ZZEF1: variants seen among roughly 807,000 people sequenced by gnomAD.
The protein encoded by ZZEF1 is zinc finger ZZ-type and EF-hand domain-containing protein 1.
In ZZEF1, 157 loss-of-function variants were observed where a neutral mutation model predicts 342.8. The observed-to-expected ratio is 0.46, with a 90% CI of 0.40 to 0.52. The LOEUF (loss-of-function observed/expected upper bound fraction) is 0.52, where lower values mean the gene tolerates loss of function less well. Ranked by LOEUF, ZZEF1 falls within the 20% of genes least tolerant of loss-of-function variation. The probability of loss-of-function intolerance (pLI) is 0.00; values close to 1 mark genes in which losing one functional copy is unlikely to be tolerated. For missense variants in ZZEF1, 3,480 were observed against 3,725.6 expected, an observed-to-expected ratio of 0.93 and a Z score of 1.72; for synonymous variants, 1,505 against 1,429.1, an observed-to-expected ratio of 1.05 and a Z score of -1.20.
intron 38 of ZZEF1, among the ~76,000 whole-genome samples, chr17:4,043,094 T>G (rs1392063576): frequency 6.6e-6 from 1 of 152,230 alleles, no homozygotes; most frequent in Non-Finnish European, 1.5e-5. Flanking sequence ...CCCAGAGCTC[T>G]CTTACCCCCG....
intron 26 of ZZEF1, 26 bp from the exon 27 acceptor site, chr17:4,067,268 T>C: frequency 6.3e-7 from 1 of 1,593,964 alleles, no homozygotes; most frequent in South Asian, 1.1e-5. Flanking sequence ...GAGATGGAGA[T>C]TACATTCAGG....
chr17:4,075,468 T>G (rs1403465032), intron 21 of ZZEF1, 39 bp from the exon 22 acceptor site: 2 of 1,603,846 alleles, frequency 1.2e-6, no homozygotes, highest in African/African-American at 2.7e-5. Context: ...AAAGGTTCTA[T>G]CACTAGACAC....
At position 4,088,978 on chromosome 17, in the gene ZZEF1, G is replaced by T. The variant is rs939990221; in HGVS notation, c.2026-85C>A. ...GAGGGAAAAAGGCCTTTCCGGGAAG[G>T]TCTTCCTATGATTTTCGTAATTTAT... On this transcript the variant is annotated intron_variant, in intron 12 of 54. Transcript: ENST00000381638. 8.5e-6 allele frequency: 11 copies of T among 1,301,304 alleles called. No homozygotes were observed. The Admixed American group carries it at 2.2e-4, about 26-fold the overall frequency. The allele number at this position is 1,301,304 out of a possible 1,614,324, so 80.6% of individuals were successfully genotyped here.
chr17:4,110,922 A>G lies in ZZEF1; in HGVS notation c.1067-1059T>C, dbSNP rs565495017. 6.6e-5 allele frequency among the ~76,000 whole-genome samples: 10 copies of G among 152,290 alleles called. No homozygotes were observed. The South Asian group carries it at 2.1e-3, about 32-fold the overall frequency. On this transcript the variant is annotated intron_variant, in intron 5 of 54. Transcript: ENST00000381638. ...GAGACGGAGTTTCACCATGTTGGCC[A>G]GGCTGGTCTAGAACTCCTGACCTCA...
chr17:4,061,576 A>T (rs183660351), intron 30 of ZZEF1, among the ~76,000 whole-genome samples: 1 of 152,328 alleles, frequency 6.6e-6, no homozygotes, highest in East Asian at 1.9e-4. Flanking sequence ...TCTTTACAAA[A>T]AAGATTTCCA....
At chr17:4,027,614 TAA>T (rs397794198) in intron 42 of ZZEF1, among the ~76,000 whole-genome samples, 2 of 147,558 alleles carry the variant, frequency 1.4e-5, no homozygotes, top group Non-Finnish European at 3.0e-5. Flanking sequence ...TTTTTTTTTT[TAA>T]AGAGACAGGC....
chr17:4,073,074 C>T (rs930862655), intron 24 of ZZEF1, among the ~76,000 whole-genome samples: 1 of 152,154 alleles, frequency 6.6e-6, no homozygotes, highest in African/African-American at 2.4e-5. Context: ...CATTCAGGAA[C>T]ATTTAATTAT....
At chr17:4,106,178 C>G (rs981338417) in intron 6 of ZZEF1, among the ~76,000 whole-genome samples, 1 of 152,188 alleles carries the variant, frequency 6.6e-6, no homozygotes, top group Non-Finnish European at 1.5e-5. Flanking sequence ...GAACTCCTGA[C>G]CTCGTGATCC....
At chr17:4,052,366 A>G (rs866080942) in intron 34 of ZZEF1, among the ~76,000 whole-genome samples, 1 of 152,182 alleles carries the variant, frequency 6.6e-6, no homozygotes, top group South Asian at 2.1e-4. Context: ...GATCAAATGC[A>G]TTATCAGGAC....
At chr17:4,128,069 G>C (rs915966594) in intron 1 of ZZEF1, among the ~76,000 whole-genome samples, 1 of 152,156 alleles carries the variant, frequency 6.6e-6, no homozygotes, top group Non-Finnish European at 1.5e-5. Flanking sequence ...GGAGAGGCCA[G>C]ATGCGGTGGC....
intron 9 of ZZEF1, among the ~76,000 whole-genome samples, chr17:4,097,089 G>T (rs549962766): frequency 6.6e-6 from 1 of 151,780 alleles, no homozygotes; most frequent in African/African-American, 2.4e-5. Context: ...GAGAAACCCC[G>T]TCTCTACTAA....
Position 4,109,543 on chromosome 17 carries a change from G to A in ZZEF1, c.1277+110C>T, listed in dbSNP as rs2145474348. On this transcript the variant is annotated intron_variant, in intron 6 of 54. Coordinates refer to ENST00000381638, the MANE Select transcript of ZZEF1 (RefSeq NM_015113.4). Reference sequence around the variant, plus strand: ...ACACTAGGGCACCTGAGGCCGAGCTGACTGAGCCACAACGATCAATGATGG... The same window carrying A: ...ACACTAGGGCACCTGAGGCCGAGCTAACTGAGCCACAACGATCAATGATGG... 5 of 1,189,856 alleles carry A rather than the reference G, an allele frequency of 4.2e-6. No individual in the cohort carries two copies. The East Asian group carries it at 1.3e-4, about 30-fold the overall frequency. The allele number at this position is 1,189,856 out of a possible 1,614,324, so 73.7% of individuals were successfully genotyped here.
Position 4,021,234 on chromosome 17 carries a change from G to T in ZZEF1, c.7299C>A (p.Asp2433Glu). 1 of 1,614,150 alleles carries T rather than the reference G, an allele frequency of 6.2e-7. No individual in the cohort carries two copies. Among genetic ancestry groups the T allele is most frequent in the South Asian group, 1.1e-5 (1 of 91,080 alleles). Residue 2433 changes from aspartate to glutamate, a missense_variant, in exon 45 of 55, where the codon GAC becomes GAA. Coordinates refer to ENST00000381638, the MANE Select transcript of ZZEF1 (RefSeq NM_015113.4). ...CTGGCCGTTCCACCTCTTCCTCTCG[G>T]TCCCCTCGCTCATCCAGCTCTAGGT... is the stretch of plus-strand genomic sequence containing the variant. ...HGDLELDERG[D>E]REEEVERPVS...
At chr17:4,066,206 G>T (rs1176662524) in intron 28 of ZZEF1, among the ~76,000 whole-genome samples, 5 of 152,272 alleles carry the variant, frequency 3.3e-5, no homozygotes, top group African/African-American at 1.2e-4. Flanking sequence ...AGCACCTGAT[G>T]CCGCCTAAGA....
Position 4,006,826 on chromosome 17 carries a change from G to T in ZZEF1, c.*64C>A. 6.6e-7 allele frequency: 1 copy of T among 1,515,102 alleles called. No individual in the cohort carries two copies. Among genetic ancestry groups the T allele is most frequent in the Non-Finnish European group, 9.0e-7 (1 of 1,113,526 alleles). The allele number at this position is 1,515,102 out of a possible 1,614,324, so 93.9% of individuals were successfully genotyped here. On this transcript the variant is annotated 3_prime_UTR_variant, in exon 55 of 55. Coordinates refer to ENST00000381638, the MANE Select transcript of ZZEF1 (RefSeq NM_015113.4). ...CGCTACAGGAGTTTTCCTGAATGAG[G>T]TTAGATGTCTGCTCTAAAATCCCTG...
intron 2 of ZZEF1, among the ~76,000 whole-genome samples, chr17:4,120,087 T>C (rs1057288133): frequency 2.0e-5 from 3 of 152,160 alleles, no homozygotes; most frequent in African/African-American, 7.2e-5. Context: ...CCAGGCGCAG[T>C]AGCTCATGCC....
chr17:4,082,758 G>A (rs1333315556), intron 16 of ZZEF1, among the ~76,000 whole-genome samples: 1 of 152,132 alleles, frequency 6.6e-6, no homozygotes, highest in Non-Finnish European at 1.5e-5. Context: ...TCCTGCTTAG[G>A]GAAATGACCT....
At chr17:4,108,847 G>A (rs888482734) in intron 6 of ZZEF1, among the ~76,000 whole-genome samples, 6 of 152,220 alleles carry the variant, frequency 3.9e-5, no homozygotes, top group African/African-American at 1.4e-4. Flanking sequence ...CAGAGCAGCA[G>A]TGTTATTTGC....
chr17:4,133,653 TCCTGCTGTG>T, intron 1 of ZZEF1, among the ~76,000 whole-genome samples: 1 of 151,916 alleles, frequency 6.6e-6, no homozygotes, highest in Non-Finnish European at 1.5e-5. Context: ...CCCACACAAC[TCCTGCTGTG>T]TATTGCTAAT....
Sources: gnomAD v4.1 joint callset for allele counts (sites outside exome capture counted in the v4.1 genomes callset) on GRCh38, gnomAD v4.1.1 for gene constraint, MANE v1.5 for transcripts, NCBI Gene and HGNC (gene_info 2026-07-23, HGNC 2026-07-21) for gene names.